The following MAP4 variants were observed in gnomAD, a reference collection of about 807,000 sequenced individuals.
MAP4 encodes microtubule-associated protein 4.
Under a neutral mutation model 170.2 loss-of-function variants are expected in MAP4, and 76 were observed. The observed-to-expected ratio is 0.45, with a 90% CI of 0.37 to 0.54. The LOEUF is 0.54. Among genes scored for constraint, MAP4 ranks in the 20% least tolerant of loss-of-function variants. The pLI, the probability that MAP4 is intolerant of heterozygous loss-of-function variation, is 0.00. For synonymous variants in MAP4, 909 were observed against 994.5 expected (o/e 0.91, Z 1.62); for missense variants, 2,506 against 2,748.0 (o/e 0.91, Z 1.97).
intron 1 of MAP4, among the ~76,000 whole-genome samples, chr3:48,011,052 G>A (rs2100104986): frequency 5.3e-5 from 8 of 151,738 alleles, no homozygotes; most frequent in Admixed American, 5.2e-4. Flanking sequence ...GTAGTGTGGG[G>A]CTCGTGACAA....
In MAP4 at chr3:47,929,396, G is replaced by A. The variant is rs114182707; in HGVS notation, c.293-1046C>T. Among the ~76,000 whole-genome samples, 611 of 152,068 alleles carry A rather than the reference G, an allele frequency of 4.0e-3. 6 individuals are homozygous for A. Among genetic ancestry groups the A allele is most frequent in the African/African-American group, 0.014 (592 of 41,492 alleles). On this transcript the variant is annotated intron_variant, in intron 3 of 20. Coordinates refer to ENST00000683076, the MANE Select transcript of MAP4 (RefSeq NM_001385682.1). ...ACAACGTGGTATTGGAACAGAACAGGTTCAGAACGTGGTACTGGAACAGAA... is the reference window on the plus strand; with the variant it reads ...ACAACGTGGTATTGGAACAGAACAGATTCAGAACGTGGTACTGGAACAGAA...
intron 3 of MAP4, among the ~76,000 whole-genome samples, chr3:47,968,683 G>T (rs888031520): frequency 4.6e-5 from 7 of 151,644 alleles, no homozygotes; most frequent in Non-Finnish European, 8.8e-5. Flanking sequence ...TCTACCAAAA[G>T]AAACTAGAAA....
chr3:48,052,638 T>C (rs1404325769), intron 1 of MAP4, among the ~76,000 whole-genome samples: 1 of 152,200 alleles, frequency 6.6e-6, no homozygotes, highest in Non-Finnish European at 1.5e-5. Flanking sequence ...ATAAATTGTA[T>C]CTCAATAGAG....
At chr3:47,894,459 T>C (rs889188091) in intron 10 of MAP4, among the ~76,000 whole-genome samples, 4 of 151,988 alleles carry the variant, frequency 2.6e-5, no homozygotes, top group African/African-American at 9.7e-5. Flanking sequence ...GGTGGGTGCC[T>C]GTAGTCCCAG....
chr3:47,853,099 A>C (rs895981242), intron 20 of MAP4, 64 bp downstream of exon 20: 68 of 1,613,638 alleles, frequency 4.2e-5, no homozygotes, highest in Non-Finnish European at 5.6e-5. Flanking sequence ...AAAACAAAGG[A>C]GTTTCAATTT....
chr3:48,020,714 A>T (rs552310940), upstream of MAP4, among the ~76,000 whole-genome samples: 2 of 152,070 alleles, frequency 1.3e-5, no homozygotes, highest in East Asian at 3.9e-4. Context: ...TAAAAGTATT[A>T]AAAAAACAAA....
Position 47,909,800 on chromosome 3 carries a change from C to T in MAP4, c.4621G>A (p.Ala1541Thr). ...AELADSMKNE[A>T]GIDEGHVIGE... ...ATCACATGCCCTTCATCGATCCCTG[C>T]TTCATTTTTCATGGAATCAGCAAGC... Residue 1541 changes from alanine to threonine, a missense_variant, in exon 9 of 21, where the codon GCA (alanine) becomes ACA (threonine). Ala to Thr is a moderately conservative substitution (Grantham distance 58). This residue lies in a region of MAP4 where 2,008 missense variants were observed against 2,206.0 expected (regional missense o/e 0.91). Transcript: ENST00000683076. 3 of 1,614,022 alleles carry T rather than the reference C, an allele frequency of 1.9e-6. No homozygotes were observed. Among genetic ancestry groups the T allele is most frequent in the Non-Finnish European group, 2.5e-6 (3 of 1,179,894 alleles).
intron 10 of MAP4, among the ~76,000 whole-genome samples, chr3:47,878,821 A>T (rs980747451): frequency 2.0e-5 from 3 of 151,400 alleles, no homozygotes; most frequent in Non-Finnish European, 4.4e-5. Flanking sequence ...TACAGGCATG[A>T]ACCACCATGC....
At chr3:48,021,020 T>C (rs2100110278), upstream of MAP4, among the ~76,000 whole-genome samples, 1 of 152,186 alleles carries the variant, frequency 6.6e-6, no homozygotes, top group Non-Finnish European at 1.5e-5. Context: ...AGAAATCTCA[T>C]TAAAGTTGAG....
At chr3:47,948,289 AG>A (rs2100061435) in intron 3 of MAP4, among the ~76,000 whole-genome samples, 1 of 143,824 alleles carries the variant, frequency 7.0e-6, no homozygotes, top group Non-Finnish European at 1.5e-5. Context: ...GATGGAGTGC[AG>A]TGTTGTGATC....
At chr3:48,047,134 A>AT (rs56144216) in intron 1 of MAP4, among the ~76,000 whole-genome samples, 122 of 151,696 alleles carry the variant, frequency 8.0e-4, no homozygotes, top group Non-Finnish European at 1.1e-3. Flanking sequence ...AAATAAATAA[A>AT]AATGTTAAGG....
chr3:48,007,286 T>G (rs1008505828), intron 1 of MAP4, among the ~76,000 whole-genome samples: 1 of 152,228 alleles, frequency 6.6e-6, no homozygotes, highest in African/African-American at 2.4e-5. Flanking sequence ...TGTTGAGATA[T>G]TCCCTTTAAG....
intron 10 of MAP4, among the ~76,000 whole-genome samples, chr3:47,883,749 GTTCTT>G (rs1310946902): frequency 6.6e-6 from 1 of 151,942 alleles, no homozygotes; most frequent in African/African-American, 2.4e-5. Flanking sequence ...GCAGTTGACA[GTTCTT>G]TTCTTTTGGC....
chr3:47,966,543 G>A (rs574026430), intron 3 of MAP4, among the ~76,000 whole-genome samples: 1 of 152,028 alleles, frequency 6.6e-6, no homozygotes, highest in African/African-American at 2.4e-5. Flanking sequence ...CACCGCACCT[G>A]GCCAATTTTT....
At chr3:47,867,859 C>T (rs1333129656) in intron 16 of MAP4, among the ~76,000 whole-genome samples, 1 of 152,176 alleles carries the variant, frequency 6.6e-6, no homozygotes, top group Non-Finnish European at 1.5e-5. Context: ...GGGCAGCTGG[C>T]AACAAGGGCA....
At chr3:47,925,935 A>G (rs2100045643) in intron 4 of MAP4, among the ~76,000 whole-genome samples, 1 of 152,122 alleles carries the variant, frequency 6.6e-6, no homozygotes, top group African/African-American at 2.4e-5. Flanking sequence ...GCTCACTGCA[A>G]CCTCTGCCTC....
chr3:47,904,921 C>T (rs1251786526), intron 9 of MAP4, among the ~76,000 whole-genome samples: 4 of 152,206 alleles, frequency 2.6e-5, no homozygotes, highest in African/African-American at 9.6e-5. Flanking sequence ...TTGCCTACCT[C>T]AGCCTCCCAA....
chr3:48,074,027 T>C (rs1046715845), intron 1 of MAP4, among the ~76,000 whole-genome samples: 3 of 152,122 alleles, frequency 2.0e-5, no homozygotes, highest in Non-Finnish European at 4.4e-5. Context: ...ACTGCGGCAC[T>C]ATTCACAATA....
At chr3:48,045,621 T>C (rs991742956) in intron 1 of MAP4, among the ~76,000 whole-genome samples, 2 of 152,232 alleles carry the variant, frequency 1.3e-5, no homozygotes, top group Non-Finnish European at 2.9e-5. Context: ...TGAGGACCAC[T>C]GCACTAGAGA....
Sources: gnomAD v4.1 joint callset for allele counts (sites outside exome capture counted in the v4.1 genomes callset) on GRCh38, gnomAD v4.1.1 for gene constraint, gnomAD v4.1.1 regional missense constraint, MANE v1.5 for transcripts, NCBI Gene and HGNC (gene_info 2026-07-23, HGNC 2026-07-21) for gene names.